The following RAI14 variants were observed in gnomAD, a reference collection of about 807,000 sequenced individuals.
RAI14 encodes the protein retinoic acid induced 14, also known as ankycorbin.
Under a neutral mutation model 115.4 loss-of-function variants are expected in RAI14, and 45 were observed. The observed-to-expected ratio is 0.39, with a 90% confidence interval of 0.31 to 0.50. The LOEUF (loss-of-function observed/expected upper bound fraction) is 0.50, where lower values mean the gene tolerates loss of function less well. Among genes scored for constraint, RAI14 ranks in the 20% least tolerant of loss-of-function variants. The pLI, the probability that RAI14 is intolerant of heterozygous loss-of-function variation, is 0.85. For synonymous variants in RAI14, 371 were observed against 415.4 expected (o/e 0.89, Z 1.30); for missense variants, 939 against 1,131.2 (o/e 0.83, Z 2.44).
In RAI14 at chr5:34,821,418, A is replaced by T. The variant is rs536867992; in HGVS notation, c.995-314A>T. On this transcript the variant is annotated intron_variant, in intron 13 of 17. Coordinates refer to ENST00000265109, the MANE Select transcript of RAI14 (RefSeq NM_015577.3). ...TTCACATAACTGAGACTTACAAGGCACAGGGAAGAACCAAAAACAACCAAG... is the reference window on the plus strand; with the variant it reads ...TTCACATAACTGAGACTTACAAGGCTCAGGGAAGAACCAAAAACAACCAAG... 9.0e-4 allele frequency among the ~76,000 whole-genome samples: 137 copies of T among 152,348 alleles called. 1 individual carries two copies. The highest frequency in any genetic ancestry group is 1.7e-3 in the Admixed American group (26 of 15,300).
At chr5:34,705,726 C>T (rs1043430192) in intron 2 of RAI14, among the ~76,000 whole-genome samples, 1 of 152,170 alleles carries the variant, frequency 6.6e-6, no homozygotes. Context: ...CAGCTCACTG[C>T]AACCTCCGCC....
chr5:34,727,829 C>G (rs1743663555), intron 2 of RAI14, among the ~76,000 whole-genome samples: 1 of 152,166 alleles, frequency 6.6e-6, no homozygotes, highest in Non-Finnish European at 1.5e-5. Flanking sequence ...GGGTGGGGCT[C>G]TCATGGAGAA....
intron 2 of RAI14, among the ~76,000 whole-genome samples, chr5:34,751,065 G>C (rs563202098): frequency 6.6e-6 from 1 of 151,490 alleles, no homozygotes; most frequent in Admixed American, 6.6e-5. Flanking sequence ...TGGTCAGGCT[G>C]GTCTCGAACT....
chr5:34,829,909 C>A, intron 17 of RAI14, 112 bp downstream of exon 17: 1 of 907,542 alleles, frequency 1.1e-6, no homozygotes, highest in African/African-American at 1.7e-5. Flanking sequence ...GAGGAGAATC[C>A]TTTTCACTGG....
intron 1 of RAI14, among the ~76,000 whole-genome samples, chr5:34,683,732 CTT>C (rs1336465132): frequency 2.8e-5 from 4 of 144,142 alleles, no homozygotes; most frequent in Admixed American, 6.9e-5. Flanking sequence ...CGATTCCCAC[CTT>C]TTTTTTTTTT....
chr5:34,830,027 G>A (rs1166282680), intron 17 of RAI14, among the ~76,000 whole-genome samples: 1 of 152,094 alleles, frequency 6.6e-6, no homozygotes, highest in East Asian at 1.9e-4. Flanking sequence ...ACTCTGTCAT[G>A]CAGGCTGGAG....
intron 2 of RAI14, chr5:34,688,192 T>C: frequency 6.5e-7 from 1 of 1,550,188 alleles, no homozygotes; most frequent in Non-Finnish European, 8.7e-7. Context: ...CATCGTCTGC[T>C]GGCTGTATGT....
At chr5:34,660,775 ATTCTT>A (rs1742627292) in intron 1 of RAI14, among the ~76,000 whole-genome samples, 2 of 145,064 alleles carry the variant, frequency 1.4e-5, no homozygotes, top group Non-Finnish European at 3.0e-5. Flanking sequence ...TGCTGGGCAC[ATTCTT>A]TTTTTTTTTT....
chr5:34,664,614 A>T (rs1340698973), intron 1 of RAI14, among the ~76,000 whole-genome samples: 5 of 152,114 alleles, frequency 3.3e-5, no homozygotes, highest in African/African-American at 1.2e-4. Flanking sequence ...TTGCTTAATT[A>T]ATTTATTTAT....
chr5:34,757,266 A>G (rs1477081725), intron 2 of RAI14: 2 of 641,434 alleles, frequency 3.1e-6, no homozygotes, highest in Admixed American at 4.2e-5. Flanking sequence ...ATTTCATTGC[A>G]CTATTTATGT....
intron 2 of RAI14, among the ~76,000 whole-genome samples, chr5:34,706,217 G>A (rs1047751333): frequency 1.3e-5 from 2 of 152,016 alleles, no homozygotes; most frequent in African/African-American, 4.8e-5. Flanking sequence ...TCTTATTTTC[G>A]TAATGCCTCC....
At chr5:34,738,337 G>A (rs777228125) in intron 2 of RAI14, among the ~76,000 whole-genome samples, 3 of 152,176 alleles carry the variant, frequency 2.0e-5, no homozygotes, top group Non-Finnish European at 2.9e-5. Context: ...TGTAGTTATT[G>A]TTCTACAGTT....
At chr5:34,744,798 A>G (rs760167747) in intron 2 of RAI14, among the ~76,000 whole-genome samples, 7 of 152,230 alleles carry the variant, frequency 4.6e-5, no homozygotes, top group Non-Finnish European at 1.5e-5. Context: ...AACAACAGAA[A>G]TGTATTCTCT....
intron 2 of RAI14, among the ~76,000 whole-genome samples, chr5:34,716,550 C>T (rs1049974187): frequency 1.3e-5 from 2 of 151,956 alleles, no homozygotes; most frequent in African/African-American, 4.8e-5. Flanking sequence ...GTAGCTGAGC[C>T]TACAGGTGCG....
chr5:34,743,348 C>T (rs1410504849), intron 2 of RAI14, among the ~76,000 whole-genome samples: 1 of 152,208 alleles, frequency 6.6e-6, no homozygotes, highest in Non-Finnish European at 1.5e-5. Context: ...AGGCACACCA[C>T]TCTAATCTCT....
chr5:34,819,849 C>T (rs543766395), intron 13 of RAI14, among the ~76,000 whole-genome samples: 30 of 152,256 alleles, frequency 2.0e-4, no homozygotes, highest in African/African-American at 6.5e-4. Flanking sequence ...GCGATCCTCC[C>T]ACCTTGGCCC....
At chr5:34,668,392 T>G (rs1428674076) in intron 1 of RAI14, among the ~76,000 whole-genome samples, 1 of 113,882 alleles carries the variant, frequency 8.8e-6, no homozygotes, top group Non-Finnish European at 1.8e-5. Flanking sequence ...AGACTCTGTC[T>G]CAAAAAAAAA....
chr5:34,747,305 T>G lies in RAI14; in HGVS notation c.37-10163T>G, dbSNP rs190400033. Among the ~76,000 whole-genome samples the G allele has an allele frequency of 4.7e-3, 709 of 152,368 alleles. 1 individual carries two copies. Among genetic ancestry groups the G allele is most frequent in the Non-Finnish European group, 7.9e-3 (535 of 68,036 alleles). On this transcript the variant is annotated intron_variant, in intron 2 of 17. Coordinates refer to ENST00000265109, the MANE Select transcript of RAI14 (RefSeq NM_015577.3). The stretch of plus-strand genomic sequence containing the variant: ...TTATTGTAAAGGTTAAATTGTAATA[T>G]AGTACAGCTCCTCGCACTGTACATT...
chr5:34,670,966 G>C (rs1743572229), intron 1 of RAI14, among the ~76,000 whole-genome samples: 1 of 152,172 alleles, frequency 6.6e-6, no homozygotes, highest in South Asian at 2.1e-4. Context: ...AAAATTTTCA[G>C]ACATGTTTTC....
Sources: gnomAD v4.1 joint callset for allele counts (sites outside exome capture counted in the v4.1 genomes callset) on GRCh38, gnomAD v4.1.1 for gene constraint, MANE v1.5 for transcripts, NCBI Gene and HGNC (gene_info 2026-07-23, HGNC 2026-07-21) for gene names.